The following MECOM variants were observed in gnomAD, a reference collection of about 807,000 sequenced individuals.
The protein encoded by MECOM is histone-lysine N-methyltransferase MECOM.
Under a neutral mutation model 116.3 loss-of-function variants are expected in MECOM, and 13 were observed. That is an observed-to-expected ratio of 0.11 (90% CI 0.07 to 0.18). MECOM has a LOEUF of 0.18. Ranked by LOEUF, MECOM falls within the 10% of genes least tolerant of loss-of-function variation. The probability of loss-of-function intolerance (pLI) is 1.00; values close to 1 mark genes in which losing one functional copy is unlikely to be tolerated. For synonymous variants in MECOM, 528 were observed against 535.2 expected (o/e 0.99, Z 0.19); for missense variants, 1,299 against 1,509.0 (o/e 0.86, Z 2.31).
At chr3:169,108,124 G>A (rs1052695233) in intron 9 of MECOM, among the ~76,000 whole-genome samples, 172 bp from the exon 10 acceptor site, 3 of 152,064 alleles carry the variant, frequency 2.0e-5, no homozygotes, top group South Asian at 2.1e-4. Context: ...TTATAACTCT[G>A]TTGAATTTCC....
At chr3:169,433,639 GAGAAAGAAAGAA>G (rs748166969) in intron 1 of MECOM, among the ~76,000 whole-genome samples, 3,755 of 127,026 alleles carry the variant, frequency 0.03, 62 homozygotes, top group South Asian at 0.054. Context: ...GAAAGAGAAA[GAGAAAGAAAGAA>G]AGAAAGAAAG....
rs1491408761 is a variant in MECOM at position 169,378,480 on chromosome 3, A to AGC, written c.375+2706_375+2707insGC. Among the ~76,000 whole-genome samples, 7 of 44,092 alleles carry AGC rather than the reference A, an allele frequency of 1.6e-4. 1 individual carries two copies. Among genetic ancestry groups the AGC allele is most frequent in the African/African-American group, 1.0e-3 (4 of 3,930 alleles). 28.9% of individuals were successfully genotyped at this position (44,092 alleles called of 152,430 possible). A position where few individuals can be genotyped will look rare whatever the true frequency, so the allele number is the denominator to read the frequency against. ...AAGCAAGCAAGCAAGCAAGCAAGAA[A>AGC]GAGAGAGAGAAAGAAAGAAAGAAAG... On this transcript the variant is annotated intron_variant, in intron 2 of 16. Coordinates refer to ENST00000651503, the MANE Select transcript of MECOM (RefSeq NM_004991.4).
chr3:169,275,319 G>T (rs1759440793), intron 2 of MECOM, among the ~76,000 whole-genome samples: 1 of 152,216 alleles, frequency 6.6e-6, no homozygotes, highest in Non-Finnish European at 1.5e-5. Context: ...TTCTTACACA[G>T]AAAGGAGCCA....
chr3:169,469,011 G>A (rs1349450389), intron 1 of MECOM, among the ~76,000 whole-genome samples: 1 of 152,132 alleles, frequency 6.6e-6, no homozygotes, highest in Non-Finnish European at 1.5e-5. Context: ...AGTCTTTCTA[G>A]GGCAGCGTAA....
At chr3:169,485,944 TG>T (rs1560340433) in intron 1 of MECOM, among the ~76,000 whole-genome samples, 1 of 101,310 alleles carries the variant, frequency 9.9e-6, no homozygotes, top group South Asian at 2.7e-4. Context: ...TATATATGTA[TG>T]TATATATGTA....
intron 1 of MECOM, among the ~76,000 whole-genome samples, chr3:169,466,503 T>C (rs1159445842): frequency 6.6e-6 from 1 of 152,172 alleles, no homozygotes; most frequent in Non-Finnish European, 1.5e-5. Context: ...TGACAGAGGG[T>C]CATTAATTTC....
chr3:169,580,248 TG>T (rs1764969502), intron 1 of MECOM, among the ~76,000 whole-genome samples: 1 of 152,100 alleles, frequency 6.6e-6, no homozygotes, highest in African/African-American at 2.4e-5. Context: ...CAATAGGTTT[TG>T]GGGGAACAGA....
At position 169,378,511 on chromosome 3, in the gene MECOM, A is replaced by G. The variant is rs1378838386; in HGVS notation, c.375+2676T>C. On this transcript the variant is annotated intron_variant, in intron 2 of 16. Transcript: ENST00000651503. Reference sequence around the variant, plus strand: ...AGAGAAAGAAAGAAAGAAAGAAAGAAAGAAAAGAAAGAAAGAAAGAAAGAA... The same window carrying G: ...AGAGAAAGAAAGAAAGAAAGAAAGAGAGAAAAGAAAGAAAGAAAGAAAGAA... Among the ~76,000 whole-genome samples, 66 of 31,014 alleles carry G rather than the reference A, an allele frequency of 2.1e-3. 5 individuals carry two copies. The highest frequency in any genetic ancestry group is 5.8e-3 in the African/African-American group (28 of 4,804). The allele number at this position is 31,014 out of a possible 152,430, so 20.3% of individuals were successfully genotyped here. A position where few individuals can be genotyped will look rare whatever the true frequency, so the allele number is the denominator to read the frequency against.
At chr3:169,392,633 G>A (rs781697237) in intron 1 of MECOM, among the ~76,000 whole-genome samples, 5 of 152,100 alleles carry the variant, frequency 3.3e-5, no homozygotes, top group East Asian at 3.8e-4. Flanking sequence ...AGATGGTAAC[G>A]TATGTGACAA....
chr3:169,261,825 C>T (rs1757594473), intron 2 of MECOM, among the ~76,000 whole-genome samples: 1 of 152,236 alleles, frequency 6.6e-6, no homozygotes, highest in South Asian at 2.1e-4. Context: ...GTCCTAACCA[C>T]TTGCTGGGCA....
chr3:169,559,331 T>C (rs1762392904), intron 1 of MECOM, among the ~76,000 whole-genome samples: 1 of 152,192 alleles, frequency 6.6e-6, no homozygotes, highest in East Asian at 1.9e-4. Flanking sequence ...GGTCAAACAA[T>C]ACATTAAAAA....
At chr3:169,159,890 G>T (rs576138039) in intron 2 of MECOM, among the ~76,000 whole-genome samples, 1 of 152,066 alleles carries the variant, frequency 6.6e-6, no homozygotes, top group Non-Finnish European at 1.5e-5. Context: ...TATCTCATAG[G>T]GCTATTGAGA....
At chr3:169,208,198 T>C (rs1458815024) in intron 2 of MECOM, among the ~76,000 whole-genome samples, 2 of 141,762 alleles carry the variant, frequency 1.4e-5, no homozygotes, top group African/African-American at 5.1e-5. Flanking sequence ...TAGTCAGCAA[T>C]ATATATATAT....
intron 2 of MECOM, among the ~76,000 whole-genome samples, chr3:169,315,420 A>G (rs1015908123): frequency 6.6e-6 from 1 of 152,270 alleles, no homozygotes; most frequent in Non-Finnish European, 1.5e-5. Flanking sequence ...GAATCAAAGT[A>G]CACAGACCGA....
intron 8 of MECOM, among the ~76,000 whole-genome samples, chr3:169,113,413 A>C (rs970217915): frequency 1.3e-5 from 2 of 149,558 alleles, no homozygotes; most frequent in Non-Finnish European, 3.0e-5. Flanking sequence ...AGCATAATAT[A>C]TTGATATATA....
chr3:169,192,149 T>A (rs1393262960), intron 2 of MECOM, among the ~76,000 whole-genome samples: 1 of 152,050 alleles, frequency 6.6e-6, no homozygotes, highest in Non-Finnish European at 1.5e-5. Flanking sequence ...TGGAATGAAG[T>A]CTCAACTTCT....
intron 1 of MECOM, among the ~76,000 whole-genome samples, chr3:169,486,041 GTA>G (rs200294605): frequency 8.2e-6 from 1 of 121,536 alleles, no homozygotes; most frequent in Non-Finnish European, 1.7e-5. Flanking sequence ...ATATATATAT[GTA>G]TATATATATA....
chr3:169,215,173 T>C (rs1026984814), intron 2 of MECOM, among the ~76,000 whole-genome samples: 2 of 150,168 alleles, frequency 1.3e-5, no homozygotes, highest in Non-Finnish European at 3.0e-5. Context: ...AAAACACTAA[T>C]GTGAAAAAAA....
chr3:169,531,034 A>G (rs958515366), intron 1 of MECOM, among the ~76,000 whole-genome samples: 1 of 152,164 alleles, frequency 6.6e-6, no homozygotes, highest in African/African-American at 2.4e-5. Flanking sequence ...CTTCAGATAG[A>G]CAGACCCTTT....
Sources: gnomAD v4.1 joint callset for allele counts (sites outside exome capture counted in the v4.1 genomes callset) on GRCh38, gnomAD v4.1.1 for gene constraint, MANE v1.5 for transcripts, NCBI Gene and HGNC (gene_info 2026-07-23, HGNC 2026-07-21) for gene names.